TMEM38B: variants seen among roughly 807,000 people sequenced by gnomAD.
TMEM38B encodes the protein transmembrane protein 38B.
Under a neutral mutation model 28.7 loss-of-function variants are expected in TMEM38B, and 24 were observed. The ratio of observed to expected loss-of-function variants is 0.84; its 90% confidence interval spans 0.61 to 1.18. The LOEUF is 1.18. Ranked by LOEUF, TMEM38B falls within the 50% of genes most tolerant of loss-of-function variation. The pLI, the probability that TMEM38B is intolerant of heterozygous loss-of-function variation, is 0.00. For synonymous variants in TMEM38B, 131 were observed against 127.7 expected (o/e 1.03, Z -0.17); for missense variants, 380 against 350.9 (o/e 1.08, Z -0.66).
chr9:105,710,806 G>A (rs776802665), intron 2 of TMEM38B: 23 of 437,728 alleles, frequency 5.3e-5, no homozygotes, highest in Non-Finnish European at 9.3e-5. Context: ...TCCACTGGGT[G>A]CACTAACGGG....
At chr9:105,707,662 A>T (rs1361831726) in intron 2 of TMEM38B, among the ~76,000 whole-genome samples, 1 of 152,202 alleles carries the variant, frequency 6.6e-6, no homozygotes, top group Non-Finnish European at 1.5e-5. Flanking sequence ...ATTTAATCAG[A>T]GGAGTACTAT....
At chr9:105,741,279 G>A (rs532288897) in intron 4 of TMEM38B, among the ~76,000 whole-genome samples, 2 of 152,326 alleles carry the variant, frequency 1.3e-5, no homozygotes, top group Admixed American at 1.3e-4. Context: ...GAAAGTAATA[G>A]AGATTTTGGT....
intron 2 of TMEM38B, among the ~76,000 whole-genome samples, chr9:105,720,675 A>T (rs1373468703): frequency 6.6e-6 from 1 of 152,138 alleles, no homozygotes; most frequent in Non-Finnish European, 1.5e-5. Flanking sequence ...TAAGATTAAT[A>T]GCTTCTTTTA....
At position 105,748,955 on chromosome 9, in the gene TMEM38B, A is replaced by T. The variant is rs111549498; in HGVS notation, c.660+765A>T. The T allele has an allele frequency of 4.1e-4, 280 of 681,802 alleles. 1 individual carries two copies. The African/African-American group carries it at 4.6e-3, about 11-fold the overall frequency. The allele number at this position is 681,802 out of a possible 1,614,324, so 42.2% of individuals were successfully genotyped here. A position where few individuals can be genotyped will look rare whatever the true frequency, so the allele number is the denominator to read the frequency against. On this transcript the variant is annotated intron_variant, in intron 5 of 5. Coordinates refer to ENST00000374692, the MANE Select transcript of TMEM38B (RefSeq NM_018112.3). ...AATTTTATGGCCACCTCTGTTTTAG[A>T]CTAGATATTTTTGGCTAAAAACTTA...
In TMEM38B at chr9:105,760,904, T is replaced by C. The variant is rs1588468588; in HGVS notation, c.660+12714T>C. The stretch of plus-strand genomic sequence containing the variant: ...AAGTACCAAAATAGTTGTTTATCAA[T>C]GTGAGACTCCTAGGAGACTAACTAG... On this transcript the variant is annotated intron_variant, in intron 5 of 5. Coordinates refer to ENST00000374692, the MANE Select transcript of TMEM38B (RefSeq NM_018112.3). 2.8e-5 allele frequency: 15 copies of C among 533,858 alleles called. No homozygotes were observed. The East Asian group carries it at 4.6e-4, about 16-fold the overall frequency. The allele number at this position is 533,858 out of a possible 1,614,324, so 33.1% of individuals were successfully genotyped here.
Position 105,722,603 on chromosome 9 carries a change from A to C in TMEM38B, c.524A>C (p.Glu175Ala). Residue 175 changes from glutamate (E) to alanine (A), a missense_variant, in exon 4 of 6, where the codon GAA (glutamate) becomes GCA (alanine). Coordinates refer to ENST00000374692, the MANE Select transcript of TMEM38B (RefSeq NM_018112.3). ...GGAGATTGGAAACCAGAAGGTGATG[A>C]ATGGCTGAAGATGTCATAGTAAGTT... ...VKGDWKPEGD[E>A]WLKMSYPAKV... 1.2e-6 allele frequency: 2 copies of C among 1,613,632 alleles called. No homozygotes were observed. Among genetic ancestry groups the C allele is most frequent in the Non-Finnish European group, 1.7e-6 (2 of 1,179,658 alleles).
At chr9:105,727,766 G>A (rs539931896) in intron 4 of TMEM38B, among the ~76,000 whole-genome samples, 8 of 152,198 alleles carry the variant, frequency 5.3e-5, no homozygotes, top group African/African-American at 1.7e-4. Context: ...TTGGAGGTGG[G>A]GACTGGTGGG....
intron 5 of TMEM38B, among the ~76,000 whole-genome samples, chr9:105,748,809 G>A (rs532091019): frequency 2.0e-4 from 31 of 152,114 alleles, no homozygotes; most frequent in Non-Finnish European, 4.0e-4. Flanking sequence ...TGTATCTTAC[G>A]AATTTTGTTT....
At chr9:105,772,520 C>T (rs1362093884) in intron 5 of TMEM38B, among the ~76,000 whole-genome samples, 1 of 152,156 alleles carries the variant, frequency 6.6e-6, no homozygotes, top group African/African-American at 2.4e-5. Context: ...CCATCAGGTT[C>T]TGCCTATTTC....
At chr9:105,767,290 G>A (rs1826408109) in intron 5 of TMEM38B, among the ~76,000 whole-genome samples, 1 of 151,860 alleles carries the variant, frequency 6.6e-6, no homozygotes, top group Non-Finnish European at 1.5e-5. Flanking sequence ...ACTATATTCT[G>A]TTCTATTGAT....
intron 1 of TMEM38B, among the ~76,000 whole-genome samples, chr9:105,699,064 T>C (rs1311637542): frequency 1.3e-5 from 2 of 152,310 alleles, no homozygotes; most frequent in African/African-American, 4.8e-5. Flanking sequence ...TTAATCACTT[T>C]ATGTCCTATG....
rs1235739140 is a variant in TMEM38B, at chr9:105,773,992, C to T, written c.788C>T (p.Pro263Leu). Residue 263 changes from proline (P) to leucine (L), a missense_variant, in exon 6 of 6, where the codon CCT becomes CTT. By Grantham distance (98) the Pro-to-Leu change is moderately conservative. Coordinates refer to ENST00000374692, the MANE Select transcript of TMEM38B (RefSeq NM_018112.3). ...SCEKKSEAKS[P>L]SNGVGSLASK... ...GAGAAGAAAAGTGAAGCAAAGTCAC[C>T]TTCCAATGGCGTTGGGTCATTGGCC... 1 of 1,613,786 alleles carries T rather than the reference C, an allele frequency of 6.2e-7. No homozygotes were observed. The highest frequency in any genetic ancestry group is 1.1e-5 in the South Asian group (1 of 91,064).
rs765078943 is a variant in TMEM38B, at chr9:105,721,602, T to C, written c.335T>C (p.Leu112Pro). ...SQGYSYLPVQLLASGMKEVTR... is the reference protein window; with the variant it reads ...SQGYSYLPVQPLASGMKEVTR... ...GGCTATTCATATCTACCTGTTCAAC[T>C]ACTGGCTTCGGGAATGAAGGAAGTG... Residue 112 changes from leucine (L) to proline (P), a missense_variant, in exon 3 of 6, where the codon CTA becomes CCA. By Grantham distance (98) the Leu-to-Pro change is moderately conservative. Coordinates refer to ENST00000374692, the MANE Select transcript of TMEM38B (RefSeq NM_018112.3). 3.9e-5 allele frequency: 63 copies of C among 1,613,560 alleles called. No homozygotes were observed. The highest frequency in any genetic ancestry group is 5.3e-5 in the Non-Finnish European group (62 of 1,179,704).
intron 5 of TMEM38B, among the ~76,000 whole-genome samples, chr9:105,753,128 A>G (rs552557547): frequency 1.3e-5 from 2 of 152,346 alleles, no homozygotes; most frequent in African/African-American, 4.8e-5. Flanking sequence ...AGAAAAAATA[A>G]TGAAAAAGAA....
chr9:105,753,933 A>G (rs1446474124), intron 5 of TMEM38B, among the ~76,000 whole-genome samples: 1 of 152,212 alleles, frequency 6.6e-6, no homozygotes, highest in African/African-American at 2.4e-5. Flanking sequence ...ATTCCATGCA[A>G]AGACACACAT....
At chr9:105,720,981 A>G (rs903017244) in intron 2 of TMEM38B, among the ~76,000 whole-genome samples, 2 of 152,210 alleles carry the variant, frequency 1.3e-5, no homozygotes, top group East Asian at 1.9e-4. Context: ...TTTCAGCTGT[A>G]TAGAAATGTG....
At chr9:105,722,494 A>G (rs1465665054) in intron 3 of TMEM38B, 40 bp from the exon 4 acceptor site, 14 of 1,522,334 alleles carry the variant, frequency 9.2e-6, no homozygotes, top group Admixed American at 1.7e-5. Flanking sequence ...TTTACAGGAA[A>G]ATTTGGCCAA....
chr9:105,738,002 G>A (rs1319329417), intron 4 of TMEM38B, among the ~76,000 whole-genome samples: 1 of 152,136 alleles, frequency 6.6e-6, no homozygotes, highest in Non-Finnish European at 1.5e-5. Flanking sequence ...AGACAGGCAT[G>A]GTGCAGTGAT....
intron 2 of TMEM38B, 70 bp from the exon 3 acceptor site, chr9:105,721,467 T>G: frequency 8.8e-7 from 1 of 1,134,814 alleles, no homozygotes; most frequent in Non-Finnish European, 1.2e-6. Flanking sequence ...GTTGTTGCTG[T>G]TAGGTTAGAT....
Sources: allele counts gnomAD v4.1 joint callset (sites outside exome capture counted in the v4.1 genomes callset), GRCh38; gene constraint gnomAD v4.1.1; transcripts MANE v1.5; gene names NCBI Gene and HGNC (gene_info 2026-07-23, HGNC 2026-07-21).